Variants in MYO1D observed in about 807,000 individuals in gnomAD.
MYO1D encodes myosin ID.
A neutral mutation model predicts 122.0 loss-of-function variants in MYO1D; 83 were observed. That is an observed-to-expected ratio of 0.68 (90% CI 0.57 to 0.82). MYO1D has a LOEUF of 0.82. Ranked by LOEUF, MYO1D falls within the 40% of genes least tolerant of loss-of-function variation. The pLI is 0.00. For missense variants in MYO1D, 1,157 were observed against 1,269.5 expected, an observed-to-expected ratio of 0.91 and a Z score of 1.35; for synonymous variants, 464 against 446.9, an observed-to-expected ratio of 1.04 and a Z score of -0.48.
chr17:32,604,180 C>T lies in MYO1D; in HGVS notation c.2864+907G>A, dbSNP rs542372323. On this transcript the variant is annotated intron_variant, in intron 21 of 21. Transcript: ENST00000318217. ...TGTTTGTTGAGAGAAAGAGAAGCCACGTCTAAACTGAAAAAAAAAAACATA... is the reference window on the plus strand; with the variant it reads ...TGTTTGTTGAGAGAAAGAGAAGCCATGTCTAAACTGAAAAAAAAAAACATA... Among the ~76,000 whole-genome samples, 13 of 132,884 alleles carry T rather than the reference C, an allele frequency of 9.8e-5. No homozygotes were observed. The South Asian group carries it at 1.5e-3, about 16-fold the overall frequency. The allele number at this position is 132,884 out of a possible 152,430, so 87.2% of individuals were successfully genotyped here. A position where few individuals can be genotyped will look rare whatever the true frequency, so the allele number is the denominator to read the frequency against.
chr17:32,596,012 G>A (rs919812970), intron 21 of MYO1D, among the ~76,000 whole-genome samples: 6 of 152,170 alleles, frequency 3.9e-5, no homozygotes, highest in Non-Finnish European at 7.3e-5. Context: ...CTACAGAAAG[G>A]TGTCCTTGCT....
intron 16 of MYO1D, among the ~76,000 whole-genome samples, chr17:32,673,120 T>G (rs1418911065): frequency 9.0e-6 from 1 of 110,840 alleles, no homozygotes; most frequent in Admixed American, 9.3e-5. Context: ...TTTTTTTTTT[T>G]TTTTTTTGAG....
At chr17:32,834,183 G>T (rs1325664865) in intron 1 of MYO1D, among the ~76,000 whole-genome samples, 1 of 152,166 alleles carries the variant, frequency 6.6e-6, no homozygotes, top group Non-Finnish European at 1.5e-5. Flanking sequence ...TGTTTAGCCT[G>T]ATCAATATTA....
intron 1 of MYO1D, among the ~76,000 whole-genome samples, chr17:32,781,768 G>A (rs28496746): frequency 0.025 from 3,742 of 151,360 alleles, 160 homozygotes; most frequent in African/African-American, 0.084. Flanking sequence ...GCTTGAGTAG[G>A]TATGCTATGA....
At chr17:32,683,910 G>T (rs2088964390) in intron 16 of MYO1D, among the ~76,000 whole-genome samples, 2 of 152,002 alleles carry the variant, frequency 1.3e-5, no homozygotes, top group South Asian at 4.2e-4. Flanking sequence ...CTCCGTGGGC[G>T]TAGGACCCTC....
intron 1 of MYO1D, among the ~76,000 whole-genome samples, chr17:32,798,326 T>C (rs919567303): frequency 7.2e-5 from 11 of 152,222 alleles, no homozygotes; most frequent in African/African-American, 2.4e-4. Flanking sequence ...TAAGGCTGCA[T>C]TTCCTCATGG....
At chr17:32,842,533 CTT>C (rs991708541) in intron 1 of MYO1D, among the ~76,000 whole-genome samples, 1 of 152,136 alleles carries the variant, frequency 6.6e-6, no homozygotes, top group Non-Finnish European at 1.5e-5. Context: ...CTCTCTTTCT[CTT>C]TCTCTCCCCC....
chr17:32,717,165 A>G (rs2089458774), intron 15 of MYO1D, among the ~76,000 whole-genome samples: 1 of 152,228 alleles, frequency 6.6e-6, no homozygotes, highest in South Asian at 2.1e-4. Context: ...GTGACTTCCT[A>G]TATGTGAAAT....
intron 20 of MYO1D, among the ~76,000 whole-genome samples, chr17:32,617,889 GTTA>G (rs1248320969): frequency 6.6e-6 from 1 of 152,034 alleles, no homozygotes; most frequent in Non-Finnish European, 1.5e-5. Flanking sequence ...AAAATTTTTT[GTTA>G]TTATTTTAAC....
intron 1 of MYO1D, among the ~76,000 whole-genome samples, chr17:32,861,307 C>T (rs2091074138): frequency 6.6e-6 from 1 of 152,002 alleles, no homozygotes; most frequent in African/African-American, 2.4e-5. Flanking sequence ...ACCTCGTGAT[C>T]CACCCGCCTC....
intron 1 of MYO1D, among the ~76,000 whole-genome samples, chr17:32,856,318 A>T (rs2091027335): frequency 6.6e-6 from 1 of 152,138 alleles, no homozygotes; most frequent in South Asian, 2.1e-4. Flanking sequence ...CTGTCCTCTC[A>T]AATGTCTTTC....
At chr17:32,710,712 T>C (rs1309850000) in intron 16 of MYO1D, among the ~76,000 whole-genome samples, 1 of 152,190 alleles carries the variant, frequency 6.6e-6, no homozygotes, top group East Asian at 1.9e-4. Context: ...GTTTGGAATA[T>C]TGAAGGCATT....
chr17:32,772,810 T>G lies in MYO1D; in HGVS notation c.597A>C (p.Arg199Ser), dbSNP rs760066914. 1.2e-5 allele frequency: 20 copies of G among 1,613,016 alleles called. No homozygotes were observed. The highest frequency in any genetic ancestry group is 4.5e-5 in the East Asian group (2 of 44,888). Residue 199 changes from arginine to serine, a missense_variant, in exon 5 of 22, where the codon AGA becomes AGC. Physicochemically the swap from Arg to Ser is moderately radical, Grantham distance 110. Coordinates refer to ENST00000318217, the MANE Select transcript of MYO1D (RefSeq NM_015194.3). ...TAACCTGATAGAAAGAATGAAAGCT[T>G]CTTTCTCCTGGCTGTTGCACAATCA... is the stretch of plus-strand genomic sequence containing the variant. The part of the protein sequence containing the change: ...SRVIVQQPGE[R>S]SFHSFYQLLQ...
intron 20 of MYO1D, among the ~76,000 whole-genome samples, chr17:32,633,190 C>A (rs1328209660): frequency 6.8e-6 from 1 of 147,222 alleles, no homozygotes; most frequent in Non-Finnish European, 1.5e-5. Flanking sequence ...AACAGTTAAG[C>A]CCCCAACTAA....
At chr17:32,816,409 G>C (rs1467355116) in intron 1 of MYO1D, among the ~76,000 whole-genome samples, 1 of 152,146 alleles carries the variant, frequency 6.6e-6, no homozygotes, top group African/African-American at 2.4e-5. Context: ...TAATGTCCTA[G>C]ACCAAGGGAA....
At chr17:32,565,614 T>G (rs1295526886) in intron 21 of MYO1D, among the ~76,000 whole-genome samples, 1 of 152,228 alleles carries the variant, frequency 6.6e-6, no homozygotes, top group Non-Finnish European at 1.5e-5. Flanking sequence ...AGGACTGAAC[T>G]GAGCTAGGTC....
chr17:32,675,934 G>T (rs1319142146), intron 16 of MYO1D, among the ~76,000 whole-genome samples: 2 of 152,114 alleles, frequency 1.3e-5, no homozygotes, highest in African/African-American at 4.8e-5. Flanking sequence ...TGATATATCA[G>T]AAATATTTTC....
intron 10 of MYO1D, among the ~76,000 whole-genome samples, chr17:32,759,228 A>G (rs1019082752): frequency 2.6e-5 from 4 of 152,128 alleles, no homozygotes; most frequent in Admixed American, 2.6e-4. Context: ...ATATGCAGAT[A>G]GGTAAAATTT....
intron 20 of MYO1D, chr17:32,632,586 T>TATATATAC (rs1480751438): frequency 5.2e-5 from 5 of 96,602 alleles, no homozygotes; most frequent in Non-Finnish European, 8.1e-5. Context: ...TATATATATA[T>TATATATAC]ACACACACAC....
Sources: gnomAD v4.1 joint callset for allele counts (sites outside exome capture counted in the v4.1 genomes callset) on GRCh38, gnomAD v4.1.1 for gene constraint, MANE v1.5 for transcripts, NCBI Gene and HGNC (gene_info 2026-07-23, HGNC 2026-07-21) for gene names.